The following SLC35F3 variants were observed in gnomAD, a reference collection of about 807,000 sequenced individuals.
SLC35F3 encodes solute carrier family 35 member F3.
SLC35F3 carries 25 observed loss-of-function variants against 49.9 expected under a neutral mutation model. That is an observed-to-expected ratio of 0.50 (90% CI 0.37 to 0.70). The LOEUF is 0.70. SLC35F3 is among the 30% of genes least tolerant of loss of function. SLC35F3 has a pLI of 0.00. For synonymous variants in SLC35F3, 275 were observed against 265.4 expected (o/e 1.04, Z -0.35); for missense variants, 525 against 639.8 (o/e 0.82, Z 1.94).
intron 3 of SLC35F3, among the ~76,000 whole-genome samples, chr1:234,233,559 G>T (rs889400681): frequency 2.6e-5 from 4 of 152,184 alleles, no homozygotes; most frequent in African/African-American, 9.7e-5. Flanking sequence ...GCTGAAAACC[G>T]CACAGATGGA....
chr1:234,059,677 TAGAC>T (rs1300042108), intron 2 of SLC35F3, among the ~76,000 whole-genome samples: 3 of 141,482 alleles, frequency 2.1e-5, no homozygotes, highest in African/African-American at 8.3e-5. Context: ...GACATAGACA[TAGAC>T]AGACATAGAC....
At chr1:234,312,262 C>G (rs1391274583) in intron 4 of SLC35F3, among the ~76,000 whole-genome samples, 1 of 152,076 alleles carries the variant, frequency 6.6e-6, no homozygotes, top group Non-Finnish European at 1.5e-5. Flanking sequence ...CTGTTCGGGA[C>G]CACCAATCAC....
intron 7 of SLC35F3, among the ~76,000 whole-genome samples, chr1:234,322,607 T>C (rs1444037116): frequency 2.0e-5 from 3 of 151,812 alleles, no homozygotes; most frequent in Non-Finnish European, 4.4e-5. Flanking sequence ...CACATGTAAG[T>C]GGATCCGTAC....
At chr1:234,286,496 C>G (rs1444531669) in intron 3 of SLC35F3, among the ~76,000 whole-genome samples, 1 of 152,232 alleles carries the variant, frequency 6.6e-6, no homozygotes, top group African/African-American at 2.4e-5. Context: ...ACCCAAAAAT[C>G]TGATGTAATC....
intron 2 of SLC35F3, among the ~76,000 whole-genome samples, chr1:233,937,112 C>G (rs912869446): frequency 6.6e-6 from 1 of 152,054 alleles, no homozygotes; most frequent in Non-Finnish European, 1.5e-5. Context: ...ACACTTGGCA[C>G]CAGCATCAAA....
chr1:234,117,912 ATGTGTGTGTGTGTGTGTGTGTGTG>A lies in SLC35F3; in HGVS notation c.284-113475_284-113452del, dbSNP rs370186911. ...AAAAAGAAAAAAAAAAAGACTATAT[ATGTGTGTGTGTGTGTGTGTGTGTG>A]TGTGTGTGTGTGTGTGTGTGTGTGT... On this transcript the variant is annotated intron_variant, in intron 2 of 7. Coordinates refer to ENST00000366618, the MANE Select transcript of SLC35F3 (RefSeq NM_173508.4). Among the ~76,000 whole-genome samples the A allele has an allele frequency of 9.3e-4, 106 of 113,934 alleles. 4 individuals carry two copies. Among genetic ancestry groups the A allele is most frequent in the African/African-American group, 1.9e-3 (64 of 33,458 alleles). The allele number at this position is 113,934 out of a possible 152,430, so 74.7% of individuals were successfully genotyped here.
rs750181555 is a variant in SLC35F3 at position 233,905,562 on chromosome 1, G to T, written c.87G>T (p.Arg29=). ...GMRRSPDVSP[R]RLSDISPQLR... ...GGAGGTCACCGGACGTCAGCCCCCG[G>T]AGACTGTCCGACATCAGCCCCCAGC... Residue 29 remains arginine, a synonymous_variant, in exon 2 of 8, where the codon CGG becomes CGT. Transcript: ENST00000366618. The T allele has an allele frequency of 1.2e-6, 2 of 1,614,064 alleles. No individual in the cohort carries two copies. The highest frequency in any genetic ancestry group is 1.7e-6 in the Non-Finnish European group (2 of 1,180,004).
intron 2 of SLC35F3, among the ~76,000 whole-genome samples, chr1:233,965,799 C>T (rs12022660): frequency 0.047 from 7,219 of 152,250 alleles, 264 homozygotes; most frequent in East Asian, 0.17. Context: ...CCTAATACCT[C>T]AAAACTGTGA....
intron 3 of SLC35F3, among the ~76,000 whole-genome samples, chr1:234,238,293 A>G (rs1034364725): frequency 6.6e-6 from 1 of 152,186 alleles, no homozygotes; most frequent in Non-Finnish European, 1.5e-5. Flanking sequence ...TGAATAGCAG[A>G]TGTCTGGTAC....
At chr1:234,286,994 C>G (rs965256341) in intron 3 of SLC35F3, among the ~76,000 whole-genome samples, 1 of 152,120 alleles carries the variant, frequency 6.6e-6, no homozygotes, top group African/African-American at 2.4e-5. Context: ...ACATAGCAGG[C>G]TGTGTTACCC....
chr1:234,252,934 C>T (rs938213418), intron 3 of SLC35F3, among the ~76,000 whole-genome samples: 3 of 152,184 alleles, frequency 2.0e-5, no homozygotes, highest in Non-Finnish European at 4.4e-5. Context: ...GATATCATTA[C>T]AGCATTGTTT....
chr1:234,066,829 CCCA>C (rs1664627147), intron 2 of SLC35F3, among the ~76,000 whole-genome samples: 1 of 79,602 alleles, frequency 1.3e-5, no homozygotes, highest in Non-Finnish European at 2.5e-5. Context: ...CCCTCTCTCT[CCCA>C]CACACACACA....
rs961998046 is a variant in SLC35F3 at position 234,220,767 on chromosome 1, A to C, written c.284-10650A>C. On this transcript the variant is annotated intron_variant, in intron 2 of 7. Transcript: ENST00000366618. ...ATACAGCTTTGAAGATTATGCCTAA[A>C]CAATTCTGGGAATGGAGATGCCATT... 2.0e-5 allele frequency among the ~76,000 whole-genome samples: 3 copies of C among 152,358 alleles called. No individual in the cohort carries two copies. In the East Asian group the frequency reaches 5.8e-4, roughly 29 times the overall value.
intron 2 of SLC35F3, among the ~76,000 whole-genome samples, chr1:233,974,174 CTTTTTT>C (rs757673463): frequency 1.2e-5 from 1 of 83,094 alleles, no homozygotes; most frequent in East Asian, 4.2e-4. Context: ...ATTTCTATTT[CTTTTTT>C]TTTTTTTTTT....
At chr1:234,297,478 A>G (rs1386671875) in intron 3 of SLC35F3, among the ~76,000 whole-genome samples, 1 of 152,266 alleles carries the variant, frequency 6.6e-6, no homozygotes, top group East Asian at 1.9e-4. Context: ...AAATCCTGCC[A>G]TCTGGGCAAC....
chr1:234,179,539 C>A (rs1666527073), intron 2 of SLC35F3, among the ~76,000 whole-genome samples: 2 of 152,240 alleles, frequency 1.3e-5, no homozygotes, highest in South Asian at 4.1e-4. Context: ...TTATCTCAAA[C>A]ATTTATCATT....
chr1:234,158,641 T>A (rs1666185258), intron 2 of SLC35F3, among the ~76,000 whole-genome samples: 1 of 152,252 alleles, frequency 6.6e-6, no homozygotes, highest in Non-Finnish European at 1.5e-5. Context: ...GTTATAAACA[T>A]TCTTCTGGTT....
Position 234,192,755 on chromosome 1 carries a change from C to A in SLC35F3, c.284-38662C>A, listed in dbSNP as rs182331726. Among the ~76,000 whole-genome samples the A allele has an allele frequency of 2.8e-4, 42 of 152,220 alleles. No homozygotes were observed. The East Asian group carries it at 7.9e-3, about 29-fold the overall frequency. On this transcript the variant is annotated intron_variant, in intron 2 of 7. Transcript: ENST00000366618. Reference sequence around the variant, plus strand: ...AATAAATTCAGCAAATTTCAGGATACAAAATTAATGTACACAAATCAGTAG... The same window carrying A: ...AATAAATTCAGCAAATTTCAGGATAAAAAATTAATGTACACAAATCAGTAG...
intron 2 of SLC35F3, among the ~76,000 whole-genome samples, chr1:234,103,780 A>G (rs1558230221): frequency 6.6e-6 from 1 of 152,118 alleles, no homozygotes; most frequent in Non-Finnish European, 1.5e-5. Context: ...TTGGGAAAGG[A>G]TTATACTTCC....
Sources: allele counts gnomAD v4.1 joint callset (sites outside exome capture counted in the v4.1 genomes callset), GRCh38; gene constraint gnomAD v4.1.1; transcripts MANE v1.5; gene names NCBI Gene and HGNC (gene_info 2026-07-23, HGNC 2026-07-21).